Variants in GPAM observed in about 807,000 individuals in gnomAD.
GPAM encodes glycerol-3-phosphate acyltransferase, mitochondrial, also known as glycerol-3-phosphate acyltransferase 1, mitochondrial.
Under a neutral mutation model 105.0 loss-of-function variants are expected in GPAM, and 56 were observed. The ratio of observed to expected loss-of-function variants is 0.53; its 90% CI spans 0.43 to 0.67. The LOEUF is 0.67. GPAM is among the 30% of genes least tolerant of loss of function. The pLI, the probability that GPAM is intolerant of heterozygous loss-of-function variation, is 0.00. For missense variants in GPAM, 855 were observed against 989.8 expected (o/e 0.86, Z 1.83); for synonymous variants, 368 against 354.4 (o/e 1.04, Z -0.43).
chr10:112,189,332 A>T (rs574222194), intron 1 of GPAM, among the ~76,000 whole-genome samples: 1 of 152,316 alleles, frequency 6.6e-6, no homozygotes, highest in South Asian at 2.1e-4. Flanking sequence ...TAGAGACAGC[A>T]TTGAACAAGA....
At position 112,175,664 on chromosome 10, in the gene GPAM, C is replaced by T; in HGVS notation, c.349G>A (p.Glu117Lys). 6.2e-7 allele frequency: 1 copy of T among 1,613,646 alleles called. No homozygotes were observed. The highest frequency in any genetic ancestry group is 8.5e-7 in the Non-Finnish European group (1 of 1,179,590). The part of the protein sequence containing the change: ...RRLSYVLFIQ[E>K]RDVHKGMFAT... ...AACATGCCCTTATGCACATCTCGCT[C>T]TTGAATAAAAAGAACGTAAGAAAGG... The change falls in exon 6 of 22, where the codon GAG (glutamate) becomes AAG (lysine). Residue 117 changes from glutamate (E) to lysine (K), a missense_variant. Glu to Lys is a moderately conservative substitution (Grantham distance 56). Transcript: ENST00000348367.
chr10:112,177,735 A>G (rs1240369060), intron 5 of GPAM, among the ~76,000 whole-genome samples: 1 of 151,962 alleles, frequency 6.6e-6, no homozygotes, highest in East Asian at 1.9e-4. Context: ...GCAAATCAAT[A>G]TAAGTCAAAG....
At position 112,180,565 on chromosome 10, in the gene GPAM, T is replaced by C; in HGVS notation, c.133A>G (p.Arg45Gly). ...TCTTTCCATTTTAAAGTTGCAGATC[T>C]GAAGATGGTGGGTCTAAAGCCACAC... is the stretch of plus-strand genomic sequence containing the variant. ...GECGFRPTIFRSATLKWKESL... is the reference protein window; with the variant it reads ...GECGFRPTIFGSATLKWKESL... Residue 45 changes from arginine to glycine, a missense_variant, in exon 4 of 22, where the codon AGA becomes GGA. Physicochemically the swap from Arg to Gly is moderately radical, Grantham distance 125. Coordinates refer to ENST00000348367, the MANE Select transcript of GPAM (RefSeq NM_001244949.2). The C allele has an allele frequency of 1.9e-6, 3 of 1,611,668 alleles. No homozygotes were observed. In the Middle Eastern group the frequency reaches 5.0e-4, roughly 266 times the overall value.
At chr10:112,188,223 TA>T (rs1301213987), upstream of GPAM, among the ~76,000 whole-genome samples, 9 of 151,984 alleles carry the variant, frequency 5.9e-5, no homozygotes, top group Admixed American at 5.2e-4. Flanking sequence ...AGTAGGAAAA[TA>T]AAAAACAATT....
At chr10:112,195,594 G>A (rs1222611672) in intron 1 of GPAM, among the ~76,000 whole-genome samples, 1 of 152,030 alleles carries the variant, frequency 6.6e-6, no homozygotes, top group African/African-American at 2.4e-5. Flanking sequence ...CTTCCCCATG[G>A]GAATGACCAT....
intron 5 of GPAM, among the ~76,000 whole-genome samples, chr10:112,177,194 C>G (rs556831181): frequency 6.6e-6 from 1 of 152,186 alleles, no homozygotes; most frequent in African/African-American, 2.4e-5. Context: ...ACTATATATC[C>G]AAGTATTATC....
At chr10:112,184,038 C>T (rs538032580), upstream of GPAM, among the ~76,000 whole-genome samples, 1 of 152,302 alleles carries the variant, frequency 6.6e-6, no homozygotes, top group South Asian at 2.1e-4. Flanking sequence ...GTCCCTCTTC[C>T]AGGCTCTGTT....
Position 112,200,244 on chromosome 10 carries a change from T to TATATAGAGAG in GPAM, n.210+14923_210+14924insCTCTCTATAT, listed in dbSNP as rs61460320. On this transcript the variant is annotated intron_variant and non_coding_transcript_variant, in intron 1 of 3. Transcript: ENST00000480130. ...CACTATATGTATATATATATATATA[T>TATATAGAGAG]AGAGAGAGAGAGAGAGAGAGAGAGA... Among the ~76,000 whole-genome samples, 139 of 123,556 alleles carry TATATAGAGAG rather than the reference T, an allele frequency of 1.1e-3. 1 individual carries two copies. The highest frequency in any genetic ancestry group is 4.1e-3 in the African/African-American group (132 of 32,370). 81.1% of individuals were successfully genotyped at this position (123,556 alleles called of 152,430 possible). A position where few individuals can be genotyped will look rare whatever the true frequency, so the allele number is the denominator to read the frequency against.
intron 1 of GPAM, among the ~76,000 whole-genome samples, chr10:112,198,962 C>T (rs1164854200): frequency 1.3e-5 from 2 of 150,884 alleles, no homozygotes; most frequent in African/African-American, 4.9e-5. Flanking sequence ...CTTGCTCTGT[C>T]GCCAGGCTGG....
intron 1 of GPAM, among the ~76,000 whole-genome samples, chr10:112,198,702 A>T (rs1350730352): frequency 6.6e-6 from 1 of 152,232 alleles, no homozygotes; most frequent in African/African-American, 2.4e-5. Flanking sequence ...AAATTGCTGT[A>T]TTAAAGAGAG....
chr10:112,227,021 C>T, the GPAM span, among the ~76,000 whole-genome samples: 1 of 152,180 alleles, frequency 6.6e-6, no homozygotes, highest in African/African-American at 2.4e-5. Context: ...GTCAGACACG[C>T]AAGCCCTGCC....
At chr10:112,192,352 T>A (rs1847670963) in intron 1 of GPAM, among the ~76,000 whole-genome samples, 1 of 152,182 alleles carries the variant, frequency 6.6e-6, no homozygotes, top group South Asian at 2.1e-4. Context: ...ATGGAGACAG[T>A]AGGAAGAAAG....
chr10:112,150,529 T>G lies in GPAM; in HGVS notation c.*3021A>C, dbSNP rs1021209284. On this transcript the variant is annotated 3_prime_UTR_variant, in exon 22 of 22. Transcript: ENST00000348367. The stretch of plus-strand genomic sequence containing the variant: ...GCATGCATATTCTGCCCCAGTGCTA[T>G]CTGTTCATTACCGTTTTGTCTCCTT... The G allele has an allele frequency of 1.0e-6, 1 of 985,636 alleles. No homozygotes were observed. The highest frequency in any genetic ancestry group is 1.7e-5 in the African/African-American group (1 of 57,244). 61.1% of individuals were successfully genotyped at this position (985,636 alleles called of 1,614,324 possible).
At chr10:112,155,595 C>A in intron 20 of GPAM, 1 of 365,310 alleles carries the variant, frequency 2.7e-6, no homozygotes, top group Non-Finnish European at 5.1e-6. Flanking sequence ...AATATTTATA[C>A]AATGGAACAC....
chr10:112,163,666 A>C (rs756544430), intron 14 of GPAM, 35 bp downstream of exon 14: 1 of 986,868 alleles, frequency 1.0e-6, no homozygotes, highest in Non-Finnish European at 1.6e-6. Flanking sequence ...GATGAATCTA[A>C]ATTGTAGAAT....
intron 6 of GPAM, among the ~76,000 whole-genome samples, chr10:112,174,129 T>G (rs1847362491): frequency 6.6e-6 from 1 of 151,884 alleles, no homozygotes; most frequent in African/African-American, 2.4e-5. Context: ...CATTAAAGTA[T>G]GAGGGACACG....
intron 1 of GPAM, among the ~76,000 whole-genome samples, chr10:112,207,104 G>A (rs1319002059): frequency 6.6e-6 from 1 of 152,202 alleles, no homozygotes; most frequent in Non-Finnish European, 1.5e-5. Context: ...AACCAGAGGT[G>A]ATTTTGCTCC....
intron 13 of GPAM, 70 bp downstream of exon 13, chr10:112,164,455 A>T: frequency 1.2e-6 from 1 of 841,560 alleles, no homozygotes; most frequent in Non-Finnish European, 2.1e-6. Context: ...AATAAGGTTA[A>T]TCTATGCAAT....
intron 1 of GPAM, among the ~76,000 whole-genome samples, chr10:112,200,242 T>TAGAGAGAGAGAG (rs549343147): frequency 2.4e-5 from 3 of 126,986 alleles, no homozygotes; most frequent in African/African-American, 9.7e-5. Flanking sequence ...TATATATATA[T>TAGAGAGAGAGAG]ATAGAGAGAG....
Sources: gnomAD v4.1 joint callset for allele counts (sites outside exome capture counted in the v4.1 genomes callset) on GRCh38, gnomAD v4.1.1 for gene constraint, MANE v1.5 for transcripts, NCBI Gene and HGNC (gene_info 2026-07-23, HGNC 2026-07-21) for gene names.